The following AKAP19 variants were observed in gnomAD, a reference collection of about 807,000 sequenced individuals.
AKAP19 encodes the protein A-kinase anchoring protein 19.
the AKAP19 span, among the ~76,000 whole-genome samples, chr2:189,904,969 G>T: frequency 2.6e-5 from 4 of 151,984 alleles, no homozygotes; most frequent in African/African-American, 9.7e-5. Context: ...ACCACTAAGA[G>T]AATGTATATT....
At chr2:190,133,170 G>A in the AKAP19 span, among the ~76,000 whole-genome samples, 5 of 148,078 alleles carry the variant, frequency 3.4e-5, no homozygotes, top group African/African-American at 1.0e-4. Flanking sequence ...CCCAGGAGGC[G>A]GAGCTTGCAG....
At chr2:190,140,672 G>A in the AKAP19 span, among the ~76,000 whole-genome samples, 6 of 152,116 alleles carry the variant, frequency 3.9e-5, no homozygotes, top group African/African-American at 1.2e-4. Context: ...CCCTGGACCC[G>A]GCCCATGAAA....
the AKAP19 span, among the ~76,000 whole-genome samples, chr2:189,994,073 C>T: frequency 0.19 from 28,118 of 150,032 alleles, 2,744 homozygotes; most frequent in Middle Eastern, 0.26. Context: ...TGCACTGGCG[C>T]GATCTCAGCT....
At chr2:189,919,594 A>G in the AKAP19 span, among the ~76,000 whole-genome samples, 1 of 151,826 alleles carries the variant, frequency 6.6e-6, no homozygotes, top group Non-Finnish European at 1.5e-5. Context: ...TTCTGTGTCC[A>G]TGTGTTCTCA....
chr2:189,947,406 C>T, the AKAP19 span, among the ~76,000 whole-genome samples: 1 of 152,062 alleles, frequency 6.6e-6, no homozygotes, highest in Non-Finnish European at 1.5e-5. Context: ...TATAAGTATA[C>T]AATTTTAAAC....
chr2:190,187,062 A>AC, the AKAP19 span, among the ~76,000 whole-genome samples: 2 of 151,554 alleles, frequency 1.3e-5, no homozygotes, highest in African/African-American at 4.8e-5. Context: ...CTGGTCTTGA[A>AC]CTCCTGACCT....
At chr2:190,201,878 T>C in the AKAP19 span, 1 of 167,020 alleles carries the variant, frequency 6.0e-6, no homozygotes, top group Non-Finnish European at 1.5e-5. Flanking sequence ...GTAGTTTAGG[T>C]TGAGTGACAA....
At chr2:190,160,133 G>A in the AKAP19 span, among the ~76,000 whole-genome samples, 10 of 152,118 alleles carry the variant, frequency 6.6e-5, no homozygotes, top group Non-Finnish European at 1.2e-4. Context: ...GTTTTGATGT[G>A]ACTTTCAATC....
chr2:189,997,610 C>G, the AKAP19 span, among the ~76,000 whole-genome samples: 11 of 152,110 alleles, frequency 7.2e-5, no homozygotes, highest in African/African-American at 2.7e-4. Context: ...TGGTCTCGCT[C>G]CCACCATGCC....
the AKAP19 span, among the ~76,000 whole-genome samples, chr2:190,004,478 C>CTAT: frequency 4.4e-4 from 67 of 151,232 alleles, no homozygotes; most frequent in Middle Eastern, 3.4e-3. Context: ...ACCTTATCAC[C>CTAT]TATTATTATT....
At chr2:190,083,743 G>A in the AKAP19 span, among the ~76,000 whole-genome samples, 4 of 152,178 alleles carry the variant, frequency 2.6e-5, no homozygotes, top group African/African-American at 7.2e-5. Flanking sequence ...ATAGCAAGAA[G>A]CTTCAAGAGG....
the AKAP19 span, among the ~76,000 whole-genome samples, chr2:190,023,148 C>T: frequency 6.6e-6 from 1 of 152,066 alleles, no homozygotes. Context: ...GATAATTATA[C>T]ATTTGTTCAA....
chr2:190,170,569 C>T, the AKAP19 span, among the ~76,000 whole-genome samples: 8 of 152,182 alleles, frequency 5.3e-5, no homozygotes, highest in East Asian at 1.9e-4. Context: ...TCTCCTCACC[C>T]GCTGCCTCCC....
the AKAP19 span, among the ~76,000 whole-genome samples, chr2:190,186,105 C>A: frequency 6.6e-6 from 1 of 151,402 alleles, no homozygotes; most frequent in Non-Finnish European, 1.5e-5. The surrounding 1 kb of genome is among the most constrained non-coding windows in gnomAD (Gnocchi z 5.5). Flanking sequence ...GCATATGCCA[C>A]CACACCTGGC....
At chr2:190,098,726 A>G in the AKAP19 span, among the ~76,000 whole-genome samples, 1 of 152,214 alleles carries the variant, frequency 6.6e-6, no homozygotes, top group Admixed American at 6.5e-5. Flanking sequence ...CCTAGATGTT[A>G]TCTTCCAATA....
At chr2:190,136,586 C>T in the AKAP19 span, among the ~76,000 whole-genome samples, 1 of 152,106 alleles carries the variant, frequency 6.6e-6, no homozygotes, top group Non-Finnish European at 1.5e-5. Flanking sequence ...TACTCTTTGC[C>T]CTCTGCCTCA....
chr2:189,975,612 G>A, the AKAP19 span, among the ~76,000 whole-genome samples: 3 of 152,174 alleles, frequency 2.0e-5, no homozygotes, highest in African/African-American at 7.2e-5. Context: ...TCACTTTCAG[G>A]TACACCAATC....
At chr2:190,188,050 A>G in the AKAP19 span, among the ~76,000 whole-genome samples, 8 of 152,292 alleles carry the variant, frequency 5.3e-5, no homozygotes, top group African/African-American at 1.9e-4. Context: ...TCATGTGTAT[A>G]TATGTGTCTG....
the AKAP19 span, among the ~76,000 whole-genome samples, chr2:190,169,497 G>A: frequency 6.6e-6 from 1 of 152,196 alleles, no homozygotes; most frequent in Non-Finnish European, 1.5e-5. Context: ...ACTGATAACA[G>A]AGTAACTAAC....
Sources: allele counts gnomAD v4.1 joint callset (sites outside exome capture counted in the v4.1 genomes callset), GRCh38; gene constraint gnomAD v4.1.1; non-coding constraint Gnocchi (gnomAD v3.1); transcripts MANE v1.5; gene names NCBI Gene and HGNC (gene_info 2026-07-23, HGNC 2026-07-21).